The following SUPT3H variants were observed in gnomAD, a reference collection of about 807,000 sequenced individuals.
SUPT3H encodes the protein SPT3 homolog, SAGA and STAGA complex component, also known as transcription initiation protein SPT3 homolog.
A neutral mutation model predicts 44.3 loss-of-function variants in SUPT3H; 44 were observed. The observed-to-expected ratio is 0.99, with a 90% CI of 0.78 to 1.28. SUPT3H has a LOEUF of 1.28. SUPT3H is among the 50% of genes most tolerant of loss of function. SUPT3H has a pLI of 0.00. For missense variants in SUPT3H, 380 were observed against 387.1 expected, an observed-to-expected ratio of 0.98 and a Z score of 0.15; for synonymous variants, 124 against 125.6, an observed-to-expected ratio of 0.99 and a Z score of 0.09.
At chr6:44,864,595 C>T (rs1163418687) in intron 10 of SUPT3H, among the ~76,000 whole-genome samples, 1 of 152,226 alleles carries the variant, frequency 6.6e-6, no homozygotes, top group South Asian at 2.1e-4. Flanking sequence ...AGGCTCAACA[C>T]CACGTGGCAG....
chr6:45,274,364 T>C (rs1044420498), intron 2 of SUPT3H, among the ~76,000 whole-genome samples: 2 of 152,208 alleles, frequency 1.3e-5, no homozygotes, highest in African/African-American at 2.4e-5. Context: ...CTCAAGGTCA[T>C]TGTGTTATAT....
intron 2 of SUPT3H, among the ~76,000 whole-genome samples, chr6:45,142,800 A>G (rs1029943018): frequency 3.3e-5 from 5 of 149,790 alleles, no homozygotes; most frequent in African/African-American, 1.2e-4. Flanking sequence ...CCACTAACCA[A>G]GTATCTACTG....
intron 2 of SUPT3H, among the ~76,000 whole-genome samples, chr6:45,112,645 A>C (rs1342480962): frequency 2.0e-5 from 3 of 152,162 alleles, no homozygotes; most frequent in African/African-American, 7.2e-5. Context: ...TTAAGTTTCT[A>C]ACAGAGGGGA....
At chr6:45,084,180 G>T (rs1796186845) in intron 3 of SUPT3H, among the ~76,000 whole-genome samples, 1 of 152,110 alleles carries the variant, frequency 6.6e-6, no homozygotes, top group South Asian at 2.1e-4. Flanking sequence ...CACAGCAAAA[G>T]AAACTATTGA....
chr6:45,040,321 T>C (rs544574789), intron 3 of SUPT3H, among the ~76,000 whole-genome samples: 6 of 152,176 alleles, frequency 3.9e-5, no homozygotes, highest in South Asian at 4.2e-4. Context: ...GAAAATTATA[T>C]AGTGGGAGGA....
At chr6:45,100,541 T>TAAAAAAAAAAAAAAAAA (rs58120512) in intron 3 of SUPT3H, among the ~76,000 whole-genome samples, 2 of 33,454 alleles carry the variant, frequency 6.0e-5, no homozygotes, top group African/African-American at 1.8e-4. Context: ...ACCCTGTACT[T>TAAAAAAAAAAAAAAAAA]AAAAAAAAAA....
intron 2 of SUPT3H, among the ~76,000 whole-genome samples, chr6:45,223,426 T>C (rs1288104779): frequency 2.0e-5 from 3 of 152,020 alleles, no homozygotes; most frequent in African/African-American, 4.8e-5. Flanking sequence ...TGATACCATA[T>C]ACTATTGTAA....
rs1562422681 is a variant in SUPT3H at position 45,083,200 on chromosome 6, TA to T, written c.186+22721del. Among the ~76,000 whole-genome samples the T allele has an allele frequency of 4.0e-5, 6 of 149,586 alleles. No individual in the cohort carries two copies. In the East Asian group the frequency reaches 5.9e-4, roughly 15 times the overall value. On this transcript the variant is annotated intron_variant, in intron 3 of 10. Transcript: ENST00000371459. ...TTATTATTATTATTATTATTATTAT[TA>T]TTATTTTTCAGACGGAGTCTCACTC...
chr6:45,007,618 T>C (rs142116249), intron 5 of SUPT3H, among the ~76,000 whole-genome samples: 2,957 of 152,230 alleles, frequency 0.019, 58 homozygotes, highest in South Asian at 0.086. Flanking sequence ...TTGTTCTCCT[T>C]ACTTTTTAAA....
chr6:44,832,171 A>G (rs551115455), intron 10 of SUPT3H, among the ~76,000 whole-genome samples: 2 of 152,268 alleles, frequency 1.3e-5, no homozygotes, highest in African/African-American at 4.8e-5. Flanking sequence ...CATGCTTTCC[A>G]GAATAAGCAA....
intron 2 of SUPT3H, among the ~76,000 whole-genome samples, chr6:45,161,816 C>T (rs1315579808): frequency 6.6e-6 from 1 of 152,096 alleles, no homozygotes; most frequent in African/African-American, 2.4e-5. Context: ...TTTTATATGG[C>T]TTAATTTAAA....
At chr6:45,220,954 CAA>C (rs1296267223) in intron 2 of SUPT3H, among the ~76,000 whole-genome samples, 2 of 152,128 alleles carry the variant, frequency 1.3e-5, no homozygotes, top group African/African-American at 4.8e-5. Flanking sequence ...TTCACAATAG[CAA>C]AGACTTGGAA....
In SUPT3H at chr6:45,089,425, C is replaced by T. The variant is rs549376458; in HGVS notation, c.186+16497G>A. Among the ~76,000 whole-genome samples, 32 of 152,108 alleles carry T rather than the reference C, an allele frequency of 2.1e-4. No individual in the cohort carries two copies. The South Asian group carries it at 6.0e-3, about 29-fold the overall frequency. On this transcript the variant is annotated intron_variant, in intron 3 of 10. Coordinates refer to ENST00000371459, the MANE Select transcript of SUPT3H (RefSeq NM_003599.4). ...ACTTGTAACCAGGCCTCTTTGTAGG[C>T]AAACAGTATCTTCCTGAAATGCCAT... is the stretch of plus-strand genomic sequence containing the variant.
chr6:45,090,552 A>G (rs927004138), intron 3 of SUPT3H, among the ~76,000 whole-genome samples: 4 of 152,172 alleles, frequency 2.6e-5, no homozygotes, highest in Admixed American at 2.0e-4. Context: ...CCATGATAGA[A>G]AATACCAAAG....
At chr6:44,928,883 A>AAAATAAATAAATAAAT (rs1491383475) in intron 10 of SUPT3H, among the ~76,000 whole-genome samples, 2 of 63,394 alleles carry the variant, frequency 3.2e-5, no homozygotes, top group African/African-American at 1.0e-4. Flanking sequence ...ACTCCGTCTC[A>AAAATAAATAAATAAAT]AAAAAAAAAA....
chr6:45,375,973 AT>A (rs1333245902), intron 1 of SUPT3H, among the ~76,000 whole-genome samples: 1 of 152,212 alleles, frequency 6.6e-6, no homozygotes, highest in Non-Finnish European at 1.5e-5. Context: ...AATTTTTCAA[AT>A]CGCTTTATTA....
At chr6:44,832,400 T>C (rs1257481609) in intron 10 of SUPT3H, among the ~76,000 whole-genome samples, 1 of 152,114 alleles carries the variant, frequency 6.6e-6, no homozygotes, top group African/African-American at 2.4e-5. Context: ...CAGACACTCC[T>C]AGTTAGTAAA....
intron 2 of SUPT3H, among the ~76,000 whole-genome samples, chr6:45,255,091 CTATTT>C (rs1200869541): frequency 6.6e-6 from 1 of 152,112 alleles, no homozygotes; most frequent in African/African-American, 2.4e-5. Flanking sequence ...TATGATTGTA[CTATTT>C]TATTAGTTGC....
intron 2 of SUPT3H, among the ~76,000 whole-genome samples, chr6:45,127,004 CAAT>C (rs1246888782): frequency 1.3e-5 from 2 of 152,022 alleles, no homozygotes; most frequent in Non-Finnish European, 2.9e-5. Context: ...CCTCCAAAAC[CAAT>C]ATTATTAATA....
Sources: allele counts gnomAD v4.1 joint callset (sites outside exome capture counted in the v4.1 genomes callset), GRCh38; gene constraint gnomAD v4.1.1; transcripts MANE v1.5; gene names NCBI Gene and HGNC (gene_info 2026-07-23, HGNC 2026-07-21).